Variants in ESAM observed in about 807,000 individuals in gnomAD.
ESAM encodes the protein endothelial cell-selective adhesion molecule.
In ESAM, 23 loss-of-function variants were observed where a neutral mutation model predicts 31.8. That is an observed-to-expected ratio of 0.72 (90% CI 0.52 to 1.03). ESAM has a LOEUF of 1.03. Among genes scored for constraint, ESAM ranks in the 50% least tolerant of loss-of-function variants. The pLI, the probability that ESAM is intolerant of heterozygous loss-of-function variation, is 0.00. For missense variants in ESAM, 478 were observed against 488.9 expected, an observed-to-expected ratio of 0.98 and a Z score of 0.21; for synonymous variants, 216 against 207.2, an observed-to-expected ratio of 1.04 and a Z score of -0.37.
intron 2 of ESAM, 75 bp from the exon 3 acceptor site, chr11:124,756,817 C>T (rs764709539): frequency 8.1e-6 from 12 of 1,490,086 alleles, no homozygotes; most frequent in African/African-American, 1.4e-5. Flanking sequence ...CACTCTCCCT[C>T]CCCCAGCTCG....
At position 124,754,807 on chromosome 11, in the gene ESAM, AT is replaced by A. The variant is rs371143215; in HGVS notation, c.608-45del. The A allele has an allele frequency of 6.3e-4, 964 of 1,527,396 alleles. No individual in the cohort carries two copies. In the East Asian group the frequency reaches 7.7e-3, roughly 12 times the overall value. The allele number at this position is 1,527,396 out of a possible 1,614,324, so 94.6% of individuals were successfully genotyped here. ...CATCAGTCCAGGGACCCTCTTTCCC[AT>A]TAAAAAAAAAAAAAAATCTTGTCCC... On this transcript the variant is annotated intron_variant, in intron 4 of 6. Transcript: ENST00000278927. The surrounding 1 kb of genome is among the most constrained non-coding windows in gnomAD (Gnocchi z 4.5).
chr11:124,756,354 C>A lies in ESAM; in HGVS notation c.460G>T (p.Ala154Ser). 6.2e-7 allele frequency: 1 copy of A among 1,602,480 alleles called. No individual in the cohort carries two copies. The highest frequency in any genetic ancestry group is 2.2e-5 in the East Asian group (1 of 44,686). ...CCCTGGAGACGGCAGGATGGAGGAG[C>A]TGGAGGAACTGGGCAGGGGGAGACA... ...TLELNVLVPPAPPSCRLQGVP... is the reference protein window; with the variant it reads ...TLELNVLVPPSPPSCRLQGVP... The change falls in exon 4 of 7, where the codon GCT becomes TCT. Residue 154 changes from alanine to serine, a missense_variant. By Grantham distance (99) the Ala-to-Ser change is moderately conservative. Transcript: ENST00000278927.
intron 2 of ESAM, 61 bp downstream of exon 2, chr11:124,758,288 C>T (rs1944180435): frequency 6.2e-7 from 1 of 1,604,562 alleles, no homozygotes; most frequent in East Asian, 2.2e-5. Flanking sequence ...GCTACCAGCT[C>T]TTTGCTTACA....
chr11:124,754,454 C>G lies in ESAM; in HGVS notation c.731-114G>C. 1 of 1,505,894 alleles carries G rather than the reference C, an allele frequency of 6.6e-7. No individual in the cohort carries two copies. The highest frequency in any genetic ancestry group is 8.9e-7 in the Non-Finnish European group (1 of 1,121,430). 93.3% of individuals were successfully genotyped at this position (1,505,894 alleles called of 1,614,324 possible). ...ATACACATTCCCTCTTTTTCCCTGT[C>G]AAGAAGAGGGGTGGCTGTTGAGCAG... On this transcript the variant is annotated intron_variant, in intron 5 of 6. Transcript: ENST00000278927. This position sits in a 1 kb window ranked among gnomAD's most constrained non-coding sequence, Gnocchi z 4.5.
intron 2 of ESAM, among the ~76,000 whole-genome samples, chr11:124,758,110 C>T (rs886159521): frequency 1.3e-5 from 2 of 152,148 alleles, no homozygotes; most frequent in African/African-American, 4.8e-5. Flanking sequence ...AAGTAAAATG[C>T]CTCTCACACT....
chr11:124,758,547 G>T lies in ESAM; in HGVS notation c.71-20C>A. ...GGGGCGCTGGAGACAAGAGCGAGGCGTGAGTGCCCAGGACCGGCTCCCAGC... is the reference window on the plus strand; with the variant it reads ...GGGGCGCTGGAGACAAGAGCGAGGCTTGAGTGCCCAGGACCGGCTCCCAGC... On this transcript the variant is annotated intron_variant, in intron 1 of 6. Transcript: ENST00000278927. 2 of 1,512,352 alleles carry T rather than the reference G, an allele frequency of 1.3e-6. No individual in the cohort carries two copies. The highest frequency in any genetic ancestry group is 2.5e-5 in the East Asian group (1 of 40,544). 93.7% of individuals were successfully genotyped at this position (1,512,352 alleles called of 1,614,324 possible). A position where few individuals can be genotyped will look rare whatever the true frequency, so the allele number is the denominator to read the frequency against.
intron 1 of ESAM, among the ~76,000 whole-genome samples, chr11:124,761,857 A>G (rs571918433): frequency 2.0e-5 from 3 of 152,044 alleles, no homozygotes; most frequent in East Asian, 3.9e-4. Flanking sequence ...CTTCCGAGAG[A>G]TGCCCTTACC....
At chr11:124,756,914 GC>G in intron 2 of ESAM, 172 bp from the exon 3 acceptor site, 1 of 651,562 alleles carries the variant, frequency 1.5e-6, no homozygotes, top group South Asian at 1.9e-5. Flanking sequence ...CCCTCTCACT[GC>G]CCCTGGGTCC....
chr11:124,758,348 C>A lies in ESAM; in HGVS notation c.249+1G>T. The A allele has an allele frequency of 6.8e-6, 11 of 1,614,168 alleles. No homozygotes were observed. The highest frequency in any genetic ancestry group is 9.3e-6 in the Non-Finnish European group (11 of 1,180,018). On this transcript the variant is annotated splice_donor_variant, in intron 2 of 6. Transcript: ENST00000278927. LOFTEE classifies it high-confidence loss of function. ...CTGGCTGACAGGCGTTCTTCCCTCA[C>A]CTGATCCTCCTTTTCTTTCTGTTTG...
intron 4 of ESAM, among the ~76,000 whole-genome samples, chr11:124,755,456 ACT>A (rs1374720736): frequency 6.6e-6 from 1 of 152,100 alleles, no homozygotes; most frequent in African/African-American, 2.4e-5. Flanking sequence ...TTGGCTGCTA[ACT>A]CTGTGCCAAA....
At chr11:124,760,732 T>G (rs1018279263) in intron 1 of ESAM, among the ~76,000 whole-genome samples, 4 of 152,244 alleles carry the variant, frequency 2.6e-5, no homozygotes, top group Non-Finnish European at 5.9e-5. Context: ...GGGTTGCAGA[T>G]GAGCAGCAGG....
Position 124,758,504 on chromosome 11 carries a change from G to A in ESAM, c.94C>T (p.Gln32Ter). 1 of 1,591,868 alleles carries A rather than the reference G, an allele frequency of 6.3e-7. No homozygotes were observed. Among genetic ancestry groups the A allele is most frequent in the Non-Finnish European group, 8.6e-7 (1 of 1,168,862 alleles). ...AACCGGTTGGCGGGCAAGTGCAGTT[G>A]CAGCTGGGCCCGCGAGGGGGGCGCT... ...ALAPPSRAQL[Q>*]LHLPANRLQA... Residue 32 changes from glutamine to a stop codon, truncating the protein, a stop_gained, in exon 2 of 7, where the codon CAA (glutamine) becomes TAA (stop). Coordinates refer to ENST00000278927, the MANE Select transcript of ESAM (RefSeq NM_138961.3). LOFTEE classifies it high-confidence loss of function.
rs1019284444 is a variant in ESAM, at chr11:124,759,736, C to A, written c.71-1209G>T. Among the ~76,000 whole-genome samples, 1 of 152,252 alleles carries A rather than the reference C, an allele frequency of 6.6e-6. No homozygotes were observed. The highest frequency in any genetic ancestry group is 1.9e-4 in the East Asian group (1 of 5,196). ...CTGTTACTTGGCCTTCGCAGCATCCCCCTTCCCATTTCCTGGAGGATCTCT... is the reference window on the plus strand; with the variant it reads ...CTGTTACTTGGCCTTCGCAGCATCCACCTTCCCATTTCCTGGAGGATCTCT... On this transcript the variant is annotated intron_variant, in intron 1 of 6. Coordinates refer to ENST00000278927, the MANE Select transcript of ESAM (RefSeq NM_138961.3). This position sits in a 1 kb window ranked among gnomAD's most constrained non-coding sequence, Gnocchi z 6.8.
At position 124,759,466 on chromosome 11, in the gene ESAM, G is replaced by T. The variant is rs138691562; in HGVS notation, c.71-939C>A. The T allele has an allele frequency of 0.012, 1,784 of 152,474 alleles. 19 individuals carry two copies. The highest frequency in any genetic ancestry group is 0.019 in the Non-Finnish European group (1,267 of 68,112). The allele number at this position is 152,474 out of a possible 1,614,324, so 9.4% of individuals were successfully genotyped here. A position where few individuals can be genotyped will look rare whatever the true frequency, so the allele number is the denominator to read the frequency against. On this transcript the variant is annotated intron_variant, in intron 1 of 6. Coordinates refer to ENST00000278927, the MANE Select transcript of ESAM (RefSeq NM_138961.3). The surrounding 1 kb of genome is among the most constrained non-coding windows in gnomAD (Gnocchi z 6.8). ...CTTGCACACGGCCAGGCCTGAGGAT[G>T]ATCGCCGCTCCAGTCCCGGGCCCTA...
intron 2 of ESAM, 67 bp from the exon 3 acceptor site, chr11:124,756,809 C>T (rs560353553): frequency 1.3e-6 from 2 of 1,527,052 alleles, no homozygotes; most frequent in East Asian, 4.6e-5. Flanking sequence ...GGCTCAGCCA[C>T]TCTCCCTCCC....
rs748308260 is a variant in ESAM at position 124,756,243 on chromosome 11, G to A, written c.571C>T (p.Leu191Phe). The A allele has an allele frequency of 1.2e-6, 2 of 1,613,992 alleles. No homozygotes were observed. Among genetic ancestry groups the A allele is most frequent in the Middle Eastern group, 1.7e-4 (1 of 5,984 alleles). ...PAVQYQWDRQ[L>F]PSFQTFFAPA... ...GCAAAGAAAGTCTGGAAGGATGGAA[G>A]CTGCCGATCCCACTGGTATTGGACA... The change falls in exon 4 of 7, where the codon CTT becomes TTT. Residue 191 changes from leucine (L) to phenylalanine (F), a missense_variant. Leu to Phe is a conservative substitution (Grantham distance 22). Transcript: ENST00000278927.
rs770790432 is a variant in ESAM at position 124,759,483 on chromosome 11, C to G, written c.71-956G>C. The G allele has an allele frequency of 6.6e-6, 1 of 152,346 alleles. No individual in the cohort carries two copies. The highest frequency in any genetic ancestry group is 2.4e-5 in the African/African-American group (1 of 41,472). The allele number at this position is 152,346 out of a possible 1,614,324, so 9.4% of individuals were successfully genotyped here. On this transcript the variant is annotated intron_variant, in intron 1 of 6. Transcript: ENST00000278927. This position sits in a 1 kb window ranked among gnomAD's most constrained non-coding sequence, Gnocchi z 6.8. ...CTGAGGATGATCGCCGCTCCAGTCCCGGGCCCTACTCCCTCCAGGCCTCGG... is the reference window on the plus strand; with the variant it reads ...CTGAGGATGATCGCCGCTCCAGTCCGGGGCCCTACTCCCTCCAGGCCTCGG...
chr11:124,754,678 G>T lies in ESAM; in HGVS notation c.693C>A (p.Gly231=), dbSNP rs1944134421. The T allele has an allele frequency of 2.5e-6, 4 of 1,614,128 alleles. No individual in the cohort carries two copies. The East Asian group carries it at 8.9e-5, about 36-fold the overall frequency. The change falls in exon 5 of 7, where the codon GGC becomes GGA. Residue 231 remains glycine (G), a synonymous_variant. Transcript: ENST00000278927. This position sits in a 1 kb window ranked among gnomAD's most constrained non-coding sequence, Gnocchi z 4.5. ...CCAGCGTCACATTACATTGGGCAGTGCCCACCTCATTGTGGGCCTTGCAGA... is the reference window on the plus strand; with the variant it reads ...CCAGCGTCACATTACATTGGGCAGTTCCCACCTCATTGTGGGCCTTGCAGA... The part of the protein sequence containing the change: ...VYVCKAHNEV[G]TAQCNVTLEV...
Position 124,756,679 on chromosome 11 carries a change from G to T in ESAM, c.313C>A (p.Pro105Thr), listed in dbSNP as rs369271235. 2.5e-6 allele frequency: 4 copies of T among 1,614,202 alleles called. No individual in the cohort carries two copies. The highest frequency in any genetic ancestry group is 1.6e-4 in the Middle Eastern group (1 of 6,062). The change falls in exon 3 of 7, where the codon CCC becomes ACC. Residue 105 changes from proline (P) to threonine (T), a missense_variant. Transcript: ENST00000278927. The part of the protein sequence containing the change: ...KPGVSLVYSM[P>T]SRNLSLRLEG... ...AGCCGCAGGGACAGGTTCCGGGAGG[G>T]CATGGAGTAGACCAAGGATACTCCA...
Sources: allele counts gnomAD v4.1 joint callset (sites outside exome capture counted in the v4.1 genomes callset), GRCh38; gene constraint gnomAD v4.1.1; non-coding constraint Gnocchi (gnomAD v3.1); transcripts MANE v1.5; gene names NCBI Gene and HGNC (gene_info 2026-07-23, HGNC 2026-07-21).